The following UBR2 variants were observed in gnomAD, a reference collection of about 807,000 sequenced individuals.
UBR2 encodes the protein E3 ubiquitin-protein ligase UBR2.
A neutral mutation model predicts 247.9 loss-of-function variants in UBR2; 92 were observed. That is an observed-to-expected ratio of 0.37 (90% CI 0.31 to 0.44). UBR2 has a LOEUF of 0.44. UBR2 is among the 20% of genes least tolerant of loss of function. The pLI is 1.00. For missense variants in UBR2, 1,613 were observed against 2,112.6 expected, an observed-to-expected ratio of 0.76 and a Z score of 4.64; for synonymous variants, 672 against 693.5, an observed-to-expected ratio of 0.97 and a Z score of 0.49.
chr6:42,666,136 G>T, intron 33 of UBR2, 31 bp from the exon 34 acceptor site: 2 of 1,562,412 alleles, frequency 1.3e-6, no homozygotes, highest in Non-Finnish European at 1.8e-6. Context: ...GTCATCTATT[G>T]AATAATAGTA....
At chr6:42,665,905 A>G (rs576796149) in intron 33 of UBR2, among the ~76,000 whole-genome samples, 1 of 152,176 alleles carries the variant, frequency 6.6e-6, no homozygotes, top group African/African-American at 2.4e-5. Flanking sequence ...TAGTATGAAC[A>G]GGATTTATAT....
chr6:42,576,800 C>T (rs1483008684), intron 2 of UBR2, among the ~76,000 whole-genome samples: 2 of 152,102 alleles, frequency 1.3e-5, no homozygotes, highest in Admixed American at 1.3e-4. Context: ...GGATTAAAGG[C>T]CTGAGCCACC....
chr6:42,566,198 T>A (rs1790768787), intron 1 of UBR2, among the ~76,000 whole-genome samples: 1 of 152,124 alleles, frequency 6.6e-6, no homozygotes, highest in Non-Finnish European at 1.5e-5. Flanking sequence ...TTCTCCAATT[T>A]GTAGAGGCTC....
rs59248267 is a variant in UBR2, at chr6:42,659,520, TACACACACACACACACACACAC to T, written c.3243-115_3243-94del. ...GTCTCAAAAAATAAATAAATATATA[TACACACACACACACACACACAC>T]ACACACACACACACACACACTACAC... is the stretch of plus-strand genomic sequence containing the variant. On this transcript the variant is annotated intron_variant, in intron 29 of 46. Transcript: ENST00000372901. The surrounding 1 kb of genome is among the most constrained non-coding windows in gnomAD (Gnocchi z 4.3). The T allele has an allele frequency of 4.1e-3, 2,086 of 503,054 alleles. 33 individuals carry two copies. The highest frequency in any genetic ancestry group is 1.7e-3 in the Non-Finnish European group (493 of 291,642). The allele number at this position is 503,054 out of a possible 1,614,324, so 31.2% of individuals were successfully genotyped here.
rs779887829 is a variant in UBR2 at position 42,648,153 on chromosome 6, A to G, written c.2445A>G (p.Glu815=). 7 of 1,614,022 alleles carry G rather than the reference A, an allele frequency of 4.3e-6. No homozygotes were observed. The South Asian group carries it at 6.6e-5, about 15-fold the overall frequency. ...AGACTGGCATGGAGAGTGTAATCGA[A>G]GCAGTTGCCCATTTCAAGTGAGTTT... The part of the protein sequence containing the change: ...NKETGMESVI[E]AVAHFKKPGL... The change falls in exon 22 of 47, where the codon GAA becomes GAG. Residue 815 remains glutamate (E), a synonymous_variant. Transcript: ENST00000372901.
At chr6:42,666,064 G>A (rs1476094605) in intron 33 of UBR2, 103 bp from the exon 34 acceptor site, 1 of 927,528 alleles carries the variant, frequency 1.1e-6, no homozygotes, top group African/African-American at 1.7e-5. Flanking sequence ...TTTTTATTAG[G>A]GAATTTTTTT....
chr6:42,650,435 C>A, intron 23 of UBR2, 49 bp downstream of exon 23: 1 of 1,496,464 alleles, frequency 6.7e-7, no homozygotes, highest in Non-Finnish European at 9.2e-7. Flanking sequence ...CATTGTTTTT[C>A]TTAAGAGATG....
intron 2 of UBR2, among the ~76,000 whole-genome samples, chr6:42,583,770 C>G (rs552231239): frequency 6.6e-6 from 1 of 152,126 alleles, no homozygotes; most frequent in East Asian, 1.9e-4. Flanking sequence ...ATGATCTGCC[C>G]ACCTCCACCT....
chr6:42,679,685 AGTT>A (rs1244568097), intron 41 of UBR2, 36 bp from the exon 42 acceptor site: 2 of 1,428,424 alleles, frequency 1.4e-6, no homozygotes, highest in Non-Finnish European at 9.9e-7. Flanking sequence ...ATATGCCCTT[AGTT>A]GTTATATGCA....
rs774958445 is a variant in UBR2, at chr6:42,658,732, T to G, written c.3150T>G (p.Ser1050=). The change falls in exon 29 of 47, where the codon TCT becomes TCG. Residue 1050 remains serine, a synonymous_variant. Coordinates refer to ENST00000372901, the MANE Select transcript of UBR2 (RefSeq NM_001363705.2). ...GAGAAAAGATCATGGCTCAGATGTC[T>G]GAAATGCAGCGGCATTTTATTGATG... ...LRREKIMAQM[S]EMQRHFIDEN... The G allele has an allele frequency of 5.5e-5, 88 of 1,613,346 alleles. No homozygotes were observed. Among genetic ancestry groups the G allele is most frequent in the Non-Finnish European group, 7.3e-5 (86 of 1,179,936 alleles).
At chr6:42,651,411 G>A (rs1797102229) in intron 23 of UBR2, among the ~76,000 whole-genome samples, 1 of 151,566 alleles carries the variant, frequency 6.6e-6, no homozygotes, top group South Asian at 2.1e-4. Flanking sequence ...TAGAGAACTC[G>A]TTTGGAGATT....
intron 2 of UBR2, among the ~76,000 whole-genome samples, chr6:42,582,876 C>T (rs1041133567): frequency 1.5e-4 from 23 of 151,546 alleles, no homozygotes; most frequent in African/African-American, 5.3e-4. Context: ...AAAAAAAAGT[C>T]AGTGCGTTTT....
Position 42,633,002 on chromosome 6 carries a change from G to A in UBR2, c.1545+98G>A, listed in dbSNP as rs1795853066. The A allele has an allele frequency of 8.8e-6, 7 of 796,292 alleles. No homozygotes were observed. The East Asian group carries it at 9.2e-5, about 10-fold the overall frequency. 49.3% of individuals were successfully genotyped at this position (796,292 alleles called of 1,614,324 possible). ...ATTTTTCTTTTTCTTTTTAAGAGATGGGGGTCTCACTGTGTTGCCCAGGGT... is the reference window on the plus strand; with the variant it reads ...ATTTTTCTTTTTCTTTTTAAGAGATAGGGGTCTCACTGTGTTGCCCAGGGT... On this transcript the variant is annotated intron_variant, in intron 13 of 46. Transcript: ENST00000372901.
At chr6:42,637,232 C>G in intron 15 of UBR2, 38 bp downstream of exon 15, 2 of 1,580,414 alleles carry the variant, frequency 1.3e-6, no homozygotes, top group Non-Finnish European at 1.7e-6. Context: ...CTAAAATTAT[C>G]TTTTAAATTG....
Position 42,564,182 on chromosome 6 carries a change from C to G in UBR2, c.-138C>G, listed in dbSNP as rs1252856657. The G allele has an allele frequency of 1.1e-6, 1 of 921,554 alleles. No homozygotes were observed. Among genetic ancestry groups the G allele is most frequent in the Non-Finnish European group, 1.6e-6 (1 of 612,406 alleles). 57.1% of individuals were successfully genotyped at this position (921,554 alleles called of 1,614,324 possible). A position where few individuals can be genotyped will look rare whatever the true frequency, so the allele number is the denominator to read the frequency against. On this transcript the variant is annotated 5_prime_UTR_variant, in exon 1 of 47. Coordinates refer to ENST00000372901, the MANE Select transcript of UBR2 (RefSeq NM_001363705.2). ...CGGTTCACGTCACCCTTCTCTCCCTCTGTTGCTCCACCTGCAGCCACTTGG... is the reference window on the plus strand; with the variant it reads ...CGGTTCACGTCACCCTTCTCTCCCTGTGTTGCTCCACCTGCAGCCACTTGG...
chr6:42,574,286 T>C (rs1791359052), intron 2 of UBR2, among the ~76,000 whole-genome samples: 1 of 152,198 alleles, frequency 6.6e-6, no homozygotes, highest in Non-Finnish European at 1.5e-5. Context: ...TTTCTTGATA[T>C]TTTTTAGTTA....
At chr6:42,672,657 A>T (rs1798514979) in intron 36 of UBR2, among the ~76,000 whole-genome samples, 1 of 152,100 alleles carries the variant, frequency 6.6e-6, no homozygotes, top group Non-Finnish European at 1.5e-5. Context: ...GCCTTTGCAC[A>T]TTCCATTTCC....
intron 40 of UBR2, among the ~76,000 whole-genome samples, chr6:42,677,491 A>C (rs1418621538): frequency 1.3e-5 from 2 of 152,150 alleles, no homozygotes; most frequent in Non-Finnish European, 1.5e-5. Flanking sequence ...AAAGATGGAC[A>C]CTCCAGCCAG....
chr6:42,664,592 C>T (rs1377204636), intron 32 of UBR2, among the ~76,000 whole-genome samples: 1 of 152,178 alleles, frequency 6.6e-6, no homozygotes, highest in Non-Finnish European at 1.5e-5. Context: ...GTCTATGCTA[C>T]CACAAAATGT....
Sources: allele counts gnomAD v4.1 joint callset (sites outside exome capture counted in the v4.1 genomes callset), GRCh38; gene constraint gnomAD v4.1.1; non-coding constraint Gnocchi (gnomAD v3.1); transcripts MANE v1.5; gene names NCBI Gene and HGNC (gene_info 2026-07-23, HGNC 2026-07-21).